The following EPB41L5 variants were observed in gnomAD, a reference collection of about 807,000 sequenced individuals.
EPB41L5 encodes erythrocyte membrane protein band 4.1 like 5.
A neutral mutation model predicts 106.6 loss-of-function variants in EPB41L5; 55 were observed. The observed-to-expected ratio is 0.52, with a 90% confidence interval of 0.42 to 0.65. The LOEUF is 0.65. Ranked by LOEUF, EPB41L5 falls within the 30% of genes least tolerant of loss-of-function variation. The probability of loss-of-function intolerance (pLI) is 0.00; values close to 1 mark genes in which losing one functional copy is unlikely to be tolerated. For synonymous variants in EPB41L5, 297 were observed against 306.7 expected (o/e 0.97, Z 0.33); for missense variants, 871 against 882.1 (o/e 0.99, Z 0.16).
intron 10 of EPB41L5, among the ~76,000 whole-genome samples, chr2:120,081,670 A>G (rs1317388203): frequency 2.0e-5 from 3 of 152,076 alleles, no homozygotes; most frequent in Admixed American, 6.5e-5. Context: ...CTTGATGGGG[A>G]TGGCATTGAA....
rs1687875702 is a variant in EPB41L5, at chr2:120,175,103, C to T, written c.*196C>T. The T allele has an allele frequency of 3.4e-6, 2 of 582,842 alleles. No homozygotes were observed. Among genetic ancestry groups the T allele is most frequent in the Non-Finnish European group, 3.1e-6 (1 of 321,878 alleles). The allele number at this position is 582,842 out of a possible 1,614,324, so 36.1% of individuals were successfully genotyped here. On this transcript the variant is annotated 3_prime_UTR_variant, in exon 25 of 25. Transcript: ENST00000263713. Reference sequence around the variant, plus strand: ...TGTTGAATCACACTGCATAGCTGCCCAAAAGAGAGTGTTTGGTCTTGAACT... The same window carrying T: ...TGTTGAATCACACTGCATAGCTGCCTAAAAGAGAGTGTTTGGTCTTGAACT...
intron 3 of EPB41L5, among the ~76,000 whole-genome samples, chr2:120,071,909 A>G (rs1681896140): frequency 6.6e-6 from 1 of 152,224 alleles, no homozygotes; most frequent in Non-Finnish European, 1.5e-5. Context: ...CAGTGGCCAC[A>G]AAAGCCAGAA....
intron 16 of EPB41L5, among the ~76,000 whole-genome samples, chr2:120,110,094 T>C (rs1177376234): frequency 1.3e-5 from 2 of 152,258 alleles, no homozygotes; most frequent in East Asian, 3.8e-4. Flanking sequence ...AATAGTGTTA[T>C]GCTACTACTC....
intron 10 of EPB41L5, among the ~76,000 whole-genome samples, chr2:120,086,180 G>A (rs1255868645): frequency 6.6e-6 from 1 of 152,156 alleles, no homozygotes; most frequent in African/African-American, 2.4e-5. Context: ...CAGCCTTTGT[G>A]ACAGAGTGAG....
chr2:120,041,927 A>T, intron 2 of EPB41L5, 79 bp from the exon 3 acceptor site: 1 of 1,035,716 alleles, frequency 9.7e-7, no homozygotes, highest in Middle Eastern at 3.0e-4. Context: ...GAGATCTTGT[A>T]TAACTAAAAC....
intron 13 of EPB41L5, among the ~76,000 whole-genome samples, chr2:120,092,175 T>G (rs1683467823): frequency 6.6e-6 from 1 of 152,074 alleles, no homozygotes; most frequent in Admixed American, 6.6e-5. Flanking sequence ...ATTACAGGCA[T>G]GCGCCACCAC....
intron 20 of EPB41L5, among the ~76,000 whole-genome samples, chr2:120,147,306 A>G (rs939679767): frequency 2.6e-5 from 4 of 152,180 alleles, no homozygotes; most frequent in African/African-American, 4.8e-5. Flanking sequence ...CTATGATCGC[A>G]CCACTGCGCT....
intron 2 of EPB41L5, among the ~76,000 whole-genome samples, chr2:120,041,155 ATAAC>A (rs1468159294): frequency 1.3e-5 from 2 of 152,214 alleles, no homozygotes; most frequent in Non-Finnish European, 2.9e-5. Flanking sequence ...TATTATAAAA[ATAAC>A]TATTTTCTAA....
At chr2:120,150,152 C>T (rs1287420455) in intron 20 of EPB41L5, among the ~76,000 whole-genome samples, 2 of 152,098 alleles carry the variant, frequency 1.3e-5, no homozygotes, top group Non-Finnish European at 2.9e-5. Context: ...CCATCCCAGC[C>T]TTCCAAAGTG....
Position 120,077,069 on chromosome 2 carries a change from T to C in EPB41L5, c.604T>C (p.Phe202Leu), listed in dbSNP as rs1558852281. 3 of 1,613,088 alleles carry C rather than the reference T, an allele frequency of 1.9e-6. No individual in the cohort carries two copies. The highest frequency in any genetic ancestry group is 1.7e-6 in the Non-Finnish European group (2 of 1,179,458). Residue 202 changes from phenylalanine (F) to leucine (L), a missense_variant, in exon 8 of 25, where the codon TTT (phenylalanine) becomes CTT (leucine). Phe to Leu is a conservative substitution (Grantham distance 22, BLOSUM62 0). Coordinates refer to ENST00000263713, the MANE Select transcript of EPB41L5 (RefSeq NM_020909.4). ...GACTGAAGAGATGGAACTGGCTATT[T>C]TTGAGAAATGGAAGGAATACAGGTA... ...IQTEEMELAIFEKWKEYRGQT... is the reference protein window; with the variant it reads ...IQTEEMELAILEKWKEYRGQT...
intron 3 of EPB41L5, among the ~76,000 whole-genome samples, chr2:120,047,748 A>G (rs1269086652): frequency 6.6e-6 from 1 of 152,224 alleles, no homozygotes; most frequent in Non-Finnish European, 1.5e-5. Flanking sequence ...CCAGTTTTCA[A>G]AGGGAATGCT....
chr2:120,091,651 A>G lies in EPB41L5; in HGVS notation c.1140A>G (p.Leu380=), dbSNP rs771204000. 6 of 1,611,888 alleles carry G rather than the reference A, an allele frequency of 3.7e-6. No homozygotes were observed. The highest frequency in any genetic ancestry group is 5.1e-6 in the Non-Finnish European group (6 of 1,178,254). ...GCAAACGATATTCTAGACGAACTCTACAAATGAAAGGTGAAGTGCAACCCT... is the reference window on the plus strand; with the variant it reads ...GCAAACGATATTCTAGACGAACTCTGCAAATGAAAGGTGAAGTGCAACCCT... ...RPSKRYSRRT[L]QMKACATKPE... The change falls in exon 13 of 25, where the codon CTA becomes CTG. Residue 380 remains leucine, a synonymous_variant. Transcript: ENST00000263713.
At chr2:120,015,346 G>C (rs1175594807) in intron 1 of EPB41L5, among the ~76,000 whole-genome samples, 7 of 151,674 alleles carry the variant, frequency 4.6e-5, no homozygotes, top group African/African-American at 1.7e-4. Context: ...ATTAGGTGGG[G>C]TCTTGCTGTG....
chr2:120,131,570 G>A (rs753371272), intron 17 of EPB41L5, 48 bp from the exon 18 acceptor site: 2 of 1,375,102 alleles, frequency 1.5e-6, no homozygotes, highest in South Asian at 2.4e-5. Context: ...AGCTAGCTGT[G>A]ACAGCCTGGC....
intron 10 of EPB41L5, among the ~76,000 whole-genome samples, chr2:120,082,512 A>G (rs1052877977): frequency 1.3e-5 from 2 of 152,056 alleles, no homozygotes; most frequent in African/African-American, 4.8e-5. Flanking sequence ...GTTTGCCAGT[A>G]TTTTATTGAG....
At chr2:120,113,015 T>G (rs899357157) in intron 16 of EPB41L5, among the ~76,000 whole-genome samples, 8 of 152,114 alleles carry the variant, frequency 5.3e-5, no homozygotes, top group African/African-American at 1.9e-4. Context: ...TAAAAAGGAA[T>G]GTAATAATTC....
chr2:120,087,341 C>CCA, intron 11 of EPB41L5, 101 bp downstream of exon 11: 1 of 683,676 alleles, frequency 1.5e-6, no homozygotes. Flanking sequence ...TTTTAAAGAG[C>CCA]CACAGAATGC....
chr2:120,139,669 C>T (rs2105486918), intron 18 of EPB41L5, among the ~76,000 whole-genome samples: 1 of 152,096 alleles, frequency 6.6e-6, no homozygotes, highest in South Asian at 2.1e-4. Context: ...ATCCAAAAGA[C>T]AGGCAATAAT....
At position 120,077,047 on chromosome 2, in the gene EPB41L5, T is replaced by C. The variant is rs181423331; in HGVS notation, c.582T>C (p.Thr194=). Residue 194 remains threonine, a synonymous_variant, in exon 8 of 25, where the codon ACT becomes ACC. Coordinates refer to ENST00000263713, the MANE Select transcript of EPB41L5 (RefSeq NM_020909.4). ...AGTTCAGATTCGTGCCTATTCAGAC[T>C]GAAGAGATGGAACTGGCTATTTTTG... ...VSEFRFVPIQ[T]EEMELAIFEK... is the part of the protein sequence containing the mutation. 218 of 1,613,284 alleles carry C rather than the reference T, an allele frequency of 1.4e-4. 1 individual carries two copies. The East Asian group carries it at 4.6e-3, about 34-fold the overall frequency.
Sources: allele counts gnomAD v4.1 joint callset (sites outside exome capture counted in the v4.1 genomes callset), GRCh38; gene constraint gnomAD v4.1.1; transcripts MANE v1.5; gene names NCBI Gene and HGNC (gene_info 2026-07-23, HGNC 2026-07-21).